Variants in FGFR1 observed in about 807,000 individuals in gnomAD.
FGFR1 encodes fibroblast growth factor receptor 1.
Under a neutral mutation model 93.7 loss-of-function variants are expected in FGFR1, and 18 were observed. The ratio of observed to expected loss-of-function variants is 0.19; its 90% CI spans 0.13 to 0.28. The LOEUF is 0.28. FGFR1 is among the 10% of genes least tolerant of loss of function. The probability of loss-of-function intolerance (pLI) is 1.00; values close to 1 mark genes in which losing one functional copy is unlikely to be tolerated. For synonymous variants in FGFR1, 448 were observed against 429.3 expected (o/e 1.04, Z -0.54); for missense variants, 731 against 1,080.4 (o/e 0.68, Z 4.53).
chr8:38,429,516 G>T lies in FGFR1; in HGVS notation c.358+166C>A. The T allele has an allele frequency of 1.2e-6, 1 of 850,894 alleles. No individual in the cohort carries two copies. The highest frequency in any genetic ancestry group is 1.9e-6 in the Non-Finnish European group (1 of 531,296). 52.7% of individuals were successfully genotyped at this position (850,894 alleles called of 1,614,324 possible). On this transcript the variant is annotated intron_variant, in intron 3 of 17. Transcript: ENST00000447712. This position sits in a 1 kb window ranked among gnomAD's most constrained non-coding sequence, Gnocchi z 4.4. ...ACCCCACCTAGTCACCTCTCTGAGA[G>T]CCAAGCCACGCGGCAGGCAGGGAGC... is the stretch of plus-strand genomic sequence containing the variant.
intron 8 of FGFR1, chr8:38,420,419 A>G (rs983350897): frequency 4.6e-5 from 7 of 152,272 alleles, no homozygotes; most frequent in African/African-American, 1.7e-4. Flanking sequence ...AATTTCCAAA[A>G]ATAAGCTTTT....
Position 38,411,624 on chromosome 8 carries a change from A to G in FGFR1, c.*2004T>C. 4.4e-6 allele frequency: 1 copy of G among 229,236 alleles called. No individual in the cohort carries two copies. The highest frequency in any genetic ancestry group is 8.7e-6 in the Non-Finnish European group (1 of 115,324). The allele number at this position is 229,236 out of a possible 1,614,324, so 14.2% of individuals were successfully genotyped here. On this transcript the variant is annotated 3_prime_UTR_variant, in exon 18 of 18. Transcript: ENST00000447712. ...GAAAACATATTGAACTTTCTTTTGT[A>G]TTTAGCAGTAATCCAGCAAAATATA...
At chr8:38,420,616 G>A (rs1818363613) in intron 8 of FGFR1, among the ~76,000 whole-genome samples, 1 of 152,062 alleles carries the variant, frequency 6.6e-6, no homozygotes, top group Admixed American at 6.5e-5. Flanking sequence ...CGAGAGGCTG[G>A]GAGGCTTTCA....
At chr8:38,416,873 C>T (rs1207166466) in intron 12 of FGFR1, among the ~76,000 whole-genome samples, 2 of 152,206 alleles carry the variant, frequency 1.3e-5, no homozygotes, top group East Asian at 3.8e-4. Flanking sequence ...ATGCGTCAGC[C>T]TCCTGAGTAG....
rs754526367 is a variant in FGFR1, at chr8:38,424,980, A to G, written c.746-281T>C. ...AACCTTCTAATTCAGTTGCACCCCC[A>G]GACCTCAGCACAACCTGCTCCTCCT... On this transcript the variant is annotated intron_variant, in intron 6 of 17. Transcript: ENST00000447712. This position sits in a 1 kb window ranked among gnomAD's most constrained non-coding sequence, Gnocchi z 4.3. Among the ~76,000 whole-genome samples, 5 of 152,152 alleles carry G rather than the reference A, an allele frequency of 3.3e-5. No individual in the cohort carries two copies. Among genetic ancestry groups the G allele is most frequent in the African/African-American group, 4.8e-5 (2 of 41,430 alleles).
intron 2 of FGFR1, among the ~76,000 whole-genome samples, chr8:38,453,314 G>A (rs1831692485): frequency 6.6e-6 from 1 of 152,238 alleles, no homozygotes; most frequent in South Asian, 2.1e-4. Context: ...TGGAGGCCCA[G>A]GGAAAGGGAC....
chr8:38,442,689 T>TCC (rs1201939860), intron 2 of FGFR1, among the ~76,000 whole-genome samples: 1 of 151,228 alleles, frequency 6.6e-6, no homozygotes, highest in Non-Finnish European at 1.5e-5. Context: ...TCGAACAACC[T>TCC]CCCCTCCCCC....
intron 7 of FGFR1, 55 bp from the exon 8 acceptor site, chr8:38,421,996 AGAC>A: frequency 6.2e-7 from 1 of 1,600,806 alleles, no homozygotes; most frequent in Non-Finnish European, 8.5e-7. Flanking sequence ...GACCTCTAAG[AGAC>A]GCAGAGCAAG....
chr8:38,445,260 G>A (rs973099744), intron 2 of FGFR1, among the ~76,000 whole-genome samples: 6 of 152,090 alleles, frequency 3.9e-5, no homozygotes, highest in South Asian at 2.1e-4. Context: ...TCAGGGCTCC[G>A]GCTACCAGCA....
intron 6 of FGFR1, among the ~76,000 whole-genome samples, chr8:38,425,688 G>C (rs1396538639): frequency 6.6e-6 from 1 of 152,216 alleles, no homozygotes; most frequent in Non-Finnish European, 1.5e-5. Flanking sequence ...CAAGGTGTCT[G>C]ACCTCTCTGA....
chr8:38,418,964 G>C (rs1014746913), intron 9 of FGFR1, among the ~76,000 whole-genome samples: 1 of 152,172 alleles, frequency 6.6e-6, no homozygotes, highest in Non-Finnish European at 1.5e-5. Flanking sequence ...TGCTGTTCTT[G>C]TGATAGTGAA....
In FGFR1 at chr8:38,426,356, A is replaced by T; in HGVS notation, c.622-111T>A. On this transcript the variant is annotated intron_variant, in intron 5 of 17. Coordinates refer to ENST00000447712, the MANE Select transcript of FGFR1 (RefSeq NM_023110.3). This position sits in a 1 kb window ranked among gnomAD's most constrained non-coding sequence, Gnocchi z 4.1. ...CCTCCATATCAGAGCCTGGTGGCAC[A>T]GGGCCCCAGGCTGCAGGGTTGGCTA... 6.8e-7 allele frequency: 1 copy of T among 1,477,408 alleles called. No homozygotes were observed. Among genetic ancestry groups the T allele is most frequent in the Admixed American group, 1.7e-5 (1 of 59,662 alleles). 91.5% of individuals were successfully genotyped at this position (1,477,408 alleles called of 1,614,324 possible). A position where few individuals can be genotyped will look rare whatever the true frequency, so the allele number is the denominator to read the frequency against.
At chr8:38,457,948 A>G (rs1312022828) in intron 1 of FGFR1, among the ~76,000 whole-genome samples, 1 of 152,156 alleles carries the variant, frequency 6.6e-6, no homozygotes, top group Non-Finnish European at 1.5e-5. Flanking sequence ...GCACCACTGC[A>G]CTCCAACCTG....
chr8:38,460,004 G>A (rs1833976200), intron 1 of FGFR1, among the ~76,000 whole-genome samples: 1 of 152,118 alleles, frequency 6.6e-6, no homozygotes, highest in Non-Finnish European at 1.5e-5. Context: ...CCAACATGGT[G>A]AAATTCCTCG....
At chr8:38,439,166 A>C (rs1360419641) in intron 2 of FGFR1, among the ~76,000 whole-genome samples, 1 of 152,158 alleles carries the variant, frequency 6.6e-6, no homozygotes, top group Non-Finnish European at 1.5e-5. Context: ...TCCCAAAGTC[A>C]CAAAACAGGG....
chr8:38,432,638 C>T (rs1379732181), intron 2 of FGFR1, among the ~76,000 whole-genome samples: 1 of 152,096 alleles, frequency 6.6e-6, no homozygotes, highest in Non-Finnish European at 1.5e-5. Context: ...AGCTCCTGAC[C>T]TCGTGATCTG....
At chr8:38,417,227 G>T in intron 12 of FGFR1, 79 bp downstream of exon 12, 2 of 1,107,984 alleles carry the variant, frequency 1.8e-6, no homozygotes, top group South Asian at 1.2e-5. Flanking sequence ...AGCTGTGGCT[G>T]AGAGAGGCCT....
At chr8:38,457,314 C>T (rs896656440) in intron 2 of FGFR1, 42 bp downstream of exon 2, 4 of 1,605,256 alleles carry the variant, frequency 2.5e-6, no homozygotes, top group Non-Finnish European at 3.4e-6. Flanking sequence ...CATCCTGTTC[C>T]CAAGGCCCAG....
At chr8:38,455,044 T>C (rs1402162842) in intron 2 of FGFR1, among the ~76,000 whole-genome samples, 1 of 146,406 alleles carries the variant, frequency 6.8e-6, no homozygotes, top group East Asian at 2.1e-4. Context: ...GGTGTGATCA[T>C]GGCTCACTGC....
Sources: gnomAD v4.1 joint callset for allele counts (sites outside exome capture counted in the v4.1 genomes callset) on GRCh38, gnomAD v4.1.1 for gene constraint, Gnocchi (gnomAD v3.1) non-coding constraint, MANE v1.5 for transcripts, NCBI Gene and HGNC (gene_info 2026-07-23, HGNC 2026-07-21) for gene names.